The following PACS2 variants were observed in gnomAD, a reference collection of about 807,000 sequenced individuals.
PACS2 encodes PACS1-like protein.
In PACS2, 36 loss-of-function variants were observed where a neutral mutation model predicts 113.0. The observed-to-expected ratio is 0.32, with a 90% CI of 0.24 to 0.42. The LOEUF (loss-of-function observed/expected upper bound fraction) is 0.42. Ranked by LOEUF, PACS2 falls within the 10% of genes least tolerant of loss-of-function variation. PACS2 has a pLI of 1.00. For missense variants in PACS2, 1,015 were observed against 1,239.5 expected (o/e 0.82, Z 2.72); for synonymous variants, 589 against 536.1 (o/e 1.10, Z -1.36).
At chr14:105,369,815 C>G in intron 7 of PACS2, 26 bp from the exon 8 acceptor site, 1 of 1,552,558 alleles carries the variant, frequency 6.4e-7, no homozygotes, top group Non-Finnish European at 8.7e-7. Flanking sequence ...GGCGGCGGCT[C>G]TGACTCTGCA....
chr14:105,379,676 C>T (rs1054068987), intron 9 of PACS2, 63 bp from the exon 10 acceptor site: 23 of 1,342,706 alleles, frequency 1.7e-5, no homozygotes, highest in Middle Eastern at 3.6e-4. Flanking sequence ...GGGAGAACTG[C>T]GCTTTCAGTG....
chr14:105,326,529 A>G (rs1421308842), intron 1 of PACS2, among the ~76,000 whole-genome samples: 9 of 152,340 alleles, frequency 5.9e-5, no homozygotes, highest in Non-Finnish European at 5.9e-5. Context: ...CTCAGGCTTC[A>G]GGCAGTGCCC....
chr14:105,367,364 C>T lies in PACS2; in HGVS notation c.575C>T (p.Ala192Val). The change falls in exon 5 of 25, where the codon GCC becomes GTC. Residue 192 changes from alanine (A) to valine (V), a missense_variant. Ala to Val is a moderately conservative substitution (Grantham distance 64). Around this residue, in one of 3 missense-constraint regions of PACS2, gnomAD observed 859 missense variants for 1,056.8 expected, o/e 0.81. Coordinates refer to ENST00000447393, the MANE Select transcript of PACS2 (RefSeq NM_001100913.3). ...EDSTMQAGPK[A>V]KSTDNYSEEE... is the part of the protein sequence containing the mutation. ...AGCACCATGCAGGCCGGCCCCAAGG[C>T]CAAGTCCACGGGTGAGTGTGGTGCC... The T allele has an allele frequency of 6.2e-7, 1 of 1,613,224 alleles. No homozygotes were observed. Among genetic ancestry groups the T allele is most frequent in the Non-Finnish European group, 8.5e-7 (1 of 1,179,942 alleles).
chr14:105,310,319 A>G (rs1366045606), upstream of PACS2, among the ~76,000 whole-genome samples: 2 of 151,254 alleles, frequency 1.3e-5, no homozygotes, highest in East Asian at 4.0e-4. Flanking sequence ...TCATGAGGTC[A>G]GGAGATCAAG....
chr14:105,331,886 C>T (rs926261542), intron 1 of PACS2, among the ~76,000 whole-genome samples: 1 of 152,206 alleles, frequency 6.6e-6, no homozygotes, highest in Admixed American at 6.5e-5. Context: ...CCCCCTCATA[C>T]TTGGTGATCA....
In PACS2 at chr14:105,395,716, C is replaced by A; in HGVS notation, c.*1044C>A. 6.6e-6 allele frequency: 1 copy of A among 152,446 alleles called. No homozygotes were observed. 9.4% of individuals were successfully genotyped at this position (152,446 alleles called of 1,614,324 possible). A position where few individuals can be genotyped will look rare whatever the true frequency, so the allele number is the denominator to read the frequency against. On this transcript the variant is annotated 3_prime_UTR_variant, in exon 25 of 25. Coordinates refer to ENST00000447393, the MANE Select transcript of PACS2 (RefSeq NM_001100913.3). ...GAGCCGTGGGTGCAGCCAGGTACCCCGTGCAGGGCCTGGGAGGCTCTCCAG... is the reference window on the plus strand; with the variant it reads ...GAGCCGTGGGTGCAGCCAGGTACCCAGTGCAGGGCCTGGGAGGCTCTCCAG...
intron 16 of PACS2, 162 bp from the exon 17 acceptor site, chr14:105,384,191 G>A (rs781984923): frequency 2.1e-4 from 125 of 591,580 alleles, no homozygotes; most frequent in Non-Finnish European, 3.2e-4. Flanking sequence ...CATCCACCAG[G>A]GAGGGGCAGT....
chr14:105,393,137 G>A (rs2081417189), intron 23 of PACS2, 85 bp from the exon 24 acceptor site: 1 of 1,032,890 alleles, frequency 9.7e-7, no homozygotes, highest in Non-Finnish European at 1.5e-6. Flanking sequence ...TGAGCCCCCA[G>A]TGCCTCCCCC....
Position 105,366,342 on chromosome 14 carries a change from C to T in PACS2, c.424-871C>T, listed in dbSNP as rs1356046646. Among the ~76,000 whole-genome samples the T allele has an allele frequency of 1.9e-4, 29 of 152,122 alleles. No homozygotes were observed. Among genetic ancestry groups the T allele is most frequent in the African/African-American group, 7.0e-4 (29 of 41,434 alleles). On this transcript the variant is annotated intron_variant, in intron 4 of 24. Transcript: ENST00000447393. This position sits in a 1 kb window ranked among gnomAD's most constrained non-coding sequence, Gnocchi z 4.3. ...CAGCCTGGGCCACAGAATGAGACTC[C>T]GTCTCAAAAAAGTAATAAATAAATA...
In PACS2 at chr14:105,385,669, G is replaced by A; in HGVS notation, c.2001-16G>A. 6.6e-7 allele frequency: 1 copy of A among 1,517,680 alleles called. No homozygotes were observed. The highest frequency in any genetic ancestry group is 8.8e-7 in the Non-Finnish European group (1 of 1,135,092). 94.0% of individuals were successfully genotyped at this position (1,517,680 alleles called of 1,614,324 possible). A position where few individuals can be genotyped will look rare whatever the true frequency, so the allele number is the denominator to read the frequency against. The stretch of plus-strand genomic sequence containing the variant: ...CGTAACGTGTCTGTTTTCTCTTTTG[G>A]TGGCTTTCTGAAAAGGAAAAAGCAT... On this transcript the variant is annotated splice_polypyrimidine_tract_variant and intron_variant, in intron 18 of 24. Coordinates refer to ENST00000447393, the MANE Select transcript of PACS2 (RefSeq NM_001100913.3).
At chr14:105,386,037 G>T (rs1212190302) in intron 19 of PACS2, among the ~76,000 whole-genome samples, 1 of 152,330 alleles carries the variant, frequency 6.6e-6, no homozygotes, top group East Asian at 1.9e-4. Context: ...CCTGCAGGTC[G>T]GCCAGGCAGG....
rs1478820102 is a variant in PACS2, at chr14:105,368,479, T to G, written c.681T>G (p.Phe227Leu). Reference sequence around the variant, plus strand: ...TGCAGGACTTGGACGAGGACGACTTTGACGTGGGGAAGCCGAAGAAGCAGC... The same window carrying G: ...TGCAGGACTTGGACGAGGACGACTTGGACGTGGGGAAGCCGAAGAAGCAGC... ...VQGQDLDEDD[F>L]DVGKPKKQRR... Residue 227 changes from phenylalanine (F) to leucine (L), a missense_variant, in exon 7 of 25, where the codon TTT becomes TTG. Phe to Leu is a conservative substitution (Grantham distance 22). Coordinates refer to ENST00000447393, the MANE Select transcript of PACS2 (RefSeq NM_001100913.3). The G allele has an allele frequency of 6.2e-7, 1 of 1,613,928 alleles. No individual in the cohort carries two copies. Among genetic ancestry groups the G allele is most frequent in the Admixed American group, 1.7e-5 (1 of 60,022 alleles).
At chr14:105,372,283 T>C (rs1211041370) in intron 8 of PACS2, 1 of 152,254 alleles carries the variant, frequency 6.6e-6, no homozygotes, top group Non-Finnish European at 1.5e-5. Flanking sequence ...TTCTGAATTT[T>C]TCATTGTAAA....
chr14:105,328,016 C>A (rs1051755858), intron 1 of PACS2, among the ~76,000 whole-genome samples: 1 of 152,260 alleles, frequency 6.6e-6, no homozygotes, highest in African/African-American at 2.4e-5. Context: ...GGTTTCACTG[C>A]GGATTCTATC....
chr14:105,351,194 G>A (rs959554901), intron 2 of PACS2, among the ~76,000 whole-genome samples: 1 of 152,234 alleles, frequency 6.6e-6, no homozygotes, highest in Admixed American at 6.5e-5. Flanking sequence ...GTTTCTCGGG[G>A]CACGAGGTCC....
In PACS2 at chr14:105,358,481, C is replaced by T. The variant is rs1555405736; in HGVS notation, c.423+3304C>T. On this transcript the variant is annotated intron_variant, in intron 4 of 24. Transcript: ENST00000447393. The surrounding 1 kb of genome is among the most constrained non-coding windows in gnomAD (Gnocchi z 4.9). ...GGCTCTCAGAACTCACCCCAGCACC[C>T]GTAGAGGGAGTGTGTAGGGGTGGGC... 6.6e-6 allele frequency among the ~76,000 whole-genome samples: 1 copy of T among 152,154 alleles called. No homozygotes were observed. The highest frequency in any genetic ancestry group is 6.5e-5 in the Admixed American group (1 of 15,280).
intron 19 of PACS2, 156 bp from the exon 20 acceptor site, chr14:105,389,804 TG>T: frequency 1.4e-6 from 1 of 697,134 alleles, no homozygotes; most frequent in Non-Finnish European, 2.6e-6. Flanking sequence ...TGGAGATGGG[TG>T]GGGCCGGGAC....
intron 8 of PACS2, among the ~76,000 whole-genome samples, chr14:105,375,560 G>A (rs146797805): frequency 1.9e-3 from 285 of 151,120 alleles, no homozygotes; most frequent in Non-Finnish European, 3.3e-3. Flanking sequence ...ATAAGTACAC[G>A]ATCATCATGA....
rs1415846776 is a variant in PACS2 at position 105,314,868 on chromosome 14, C to T, written c.-51C>T. On this transcript the variant is annotated 5_prime_UTR_variant, in exon 1 of 25. Coordinates refer to ENST00000447393, the MANE Select transcript of PACS2 (RefSeq NM_001100913.3). ...GCGCCCGGCCCGCCCGCCGCGCGTCCGCGGCCCGGCCGCAGCCCCAGGCCG... is the reference window on the plus strand; with the variant it reads ...GCGCCCGGCCCGCCCGCCGCGCGTCTGCGGCCCGGCCGCAGCCCCAGGCCG... 25 of 878,928 alleles carry T rather than the reference C, an allele frequency of 2.8e-5. No homozygotes were observed. The highest frequency in any genetic ancestry group is 3.3e-5 in the Non-Finnish European group (24 of 737,924). 54.4% of individuals were successfully genotyped at this position (878,928 alleles called of 1,614,324 possible). A position where few individuals can be genotyped will look rare whatever the true frequency, so the allele number is the denominator to read the frequency against.
Sources: gnomAD v4.1 joint callset for allele counts (sites outside exome capture counted in the v4.1 genomes callset) on GRCh38, gnomAD v4.1.1 for gene constraint, gnomAD v4.1.1 regional missense constraint, Gnocchi (gnomAD v3.1) non-coding constraint, MANE v1.5 for transcripts, NCBI Gene and HGNC (gene_info 2026-07-23, HGNC 2026-07-21) for gene names.